Variants in ELOC observed in about 807,000 individuals in gnomAD.
ELOC encodes the protein elongin-C.
For missense variants in ELOC, 38 were observed against 139.0 expected, an observed-to-expected ratio of 0.27 and a Z score of 3.65; for synonymous variants, 40 against 51.3, an observed-to-expected ratio of 0.78 and a Z score of 0.94.
intron 1 of ELOC, among the ~76,000 whole-genome samples, chr8:73,961,195 T>C (rs1407078567): frequency 6.6e-6 from 1 of 152,192 alleles, no homozygotes; most frequent in Non-Finnish European, 1.5e-5. Context: ...CAGCATTTAT[T>C]CAGGGGATCT....
chr8:73,962,372 C>T (rs1011554957), intron 1 of ELOC, among the ~76,000 whole-genome samples: 1 of 152,200 alleles, frequency 6.6e-6, no homozygotes, highest in Admixed American at 6.5e-5. Context: ...TTATTGCCTA[C>T]TACCACAGTA....
At chr8:73,952,071 G>C (rs1813808153) in intron 3 of ELOC, among the ~76,000 whole-genome samples, 1 of 152,118 alleles carries the variant, frequency 6.6e-6, no homozygotes, top group African/African-American at 2.4e-5. Context: ...GAAAACACAA[G>C]GGAAAACACA....
At chr8:73,959,880 T>C (rs1814473120) in intron 1 of ELOC, 62 bp from the exon 2 acceptor site, 12 of 842,916 alleles carry the variant, frequency 1.4e-5, no homozygotes, top group Non-Finnish European at 1.9e-5. Flanking sequence ...TCATTCACTG[T>C]TATTTAATGT....
chr8:73,957,783 T>A (rs1814295869), intron 2 of ELOC, among the ~76,000 whole-genome samples: 1 of 150,886 alleles, frequency 6.6e-6, no homozygotes, highest in Non-Finnish European at 1.5e-5. Context: ...CAACTATTTG[T>A]TTATTTATTT....
intron 1 of ELOC, among the ~76,000 whole-genome samples, chr8:73,962,581 A>C (rs866183993): frequency 2.6e-5 from 4 of 152,094 alleles, no homozygotes; most frequent in South Asian, 2.1e-4. Flanking sequence ...AAAACAAAAA[A>C]AAAAACAAAA....
chr8:73,953,444 A>G (rs577894897), intron 3 of ELOC, among the ~76,000 whole-genome samples: 1 of 152,312 alleles, frequency 6.6e-6, no homozygotes, highest in Non-Finnish European at 1.5e-5. Flanking sequence ...TGGGAGGCTG[A>G]GGCGGGCGGG....
At position 73,946,519 on chromosome 8, in the gene ELOC, T is replaced by G; in HGVS notation, c.*111A>C. 1 of 819,084 alleles carries G rather than the reference T, an allele frequency of 1.2e-6. No homozygotes were observed. The highest frequency in any genetic ancestry group is 1.8e-6 in the Non-Finnish European group (1 of 550,360). 50.7% of individuals were successfully genotyped at this position (819,084 alleles called of 1,614,324 possible). On this transcript the variant is annotated 3_prime_UTR_variant, in exon 4 of 4. Transcript: ENST00000520242. ...AAGATAATCTGCTTTGCAATGAACTTTATATAGTTCAACTGCATACAGGCA... is the reference window on the plus strand; with the variant it reads ...AAGATAATCTGCTTTGCAATGAACTGTATATAGTTCAACTGCATACAGGCA...
chr8:73,947,626 T>A (rs1178429034), intron 3 of ELOC, among the ~76,000 whole-genome samples: 3 of 151,936 alleles, frequency 2.0e-5, no homozygotes, highest in Admixed American at 6.6e-5. Flanking sequence ...CAGGCTGGAG[T>A]GCAGTGGCAT....
chr8:73,948,835 A>G (rs566472096), intron 3 of ELOC, among the ~76,000 whole-genome samples: 78 of 150,380 alleles, frequency 5.2e-4, no homozygotes, highest in African/African-American at 1.8e-3. Context: ...CCTGTCACTC[A>G]CAAGCAAGCA....
intron 2 of ELOC, among the ~76,000 whole-genome samples, chr8:73,957,913 G>A (rs1814307820): frequency 6.6e-6 from 1 of 151,844 alleles, no homozygotes; most frequent in Non-Finnish European, 1.5e-5. Flanking sequence ...CGAGCAGCTG[G>A]GATTACAGGC....
At chr8:73,962,496 G>A (rs181965062) in intron 1 of ELOC, among the ~76,000 whole-genome samples, 135 of 151,546 alleles carry the variant, frequency 8.9e-4, no homozygotes, top group Middle Eastern at 6.8e-3. Context: ...ATGATACTAC[G>A]CAATTTAAAA....
At chr8:73,955,714 G>T in intron 3 of ELOC, 197 bp downstream of exon 3, 1 of 623,298 alleles carries the variant, frequency 1.6e-6, no homozygotes, top group Non-Finnish European at 2.8e-6. Flanking sequence ...GCAGTGAGCT[G>T]AGACCGCACC....
chr8:73,953,660 C>CA (rs1375581566), intron 3 of ELOC, among the ~76,000 whole-genome samples: 2,210 of 135,950 alleles, frequency 0.016, 48 homozygotes, highest in African/African-American at 0.051. Flanking sequence ...AACTCTGTCT[C>CA]AAAAAAAAAA....
intron 2 of ELOC, among the ~76,000 whole-genome samples, chr8:73,959,288 C>T (rs940465794): frequency 1.3e-5 from 2 of 152,138 alleles, no homozygotes; most frequent in African/African-American, 4.8e-5. Flanking sequence ...TTATTTCTGC[C>T]TCGAACTCCT....
chr8:73,970,880 C>CA (rs1815327728), intron 1 of ELOC, among the ~76,000 whole-genome samples: 3 of 136,518 alleles, frequency 2.2e-5, no homozygotes, highest in Admixed American at 1.5e-4. Flanking sequence ...AAAAAAAAAA[C>CA]AAAATTAGCC....
chr8:73,951,980 C>T (rs1165450927), intron 3 of ELOC, among the ~76,000 whole-genome samples: 4 of 152,164 alleles, frequency 2.6e-5, no homozygotes, highest in African/African-American at 7.2e-5. Context: ...TGAAGCTGAT[C>T]TCTTACTTCA....
intron 1 of ELOC, among the ~76,000 whole-genome samples, chr8:73,970,103 G>T (rs920952159): frequency 6.6e-6 from 1 of 152,158 alleles, no homozygotes; most frequent in Non-Finnish European, 1.5e-5. Flanking sequence ...TTAGCTAGGT[G>T]TCGTGGTGGG....
intron 1 of ELOC, chr8:73,964,634 A>C: frequency 6.6e-6 from 1 of 152,142 alleles, no homozygotes; most frequent in Admixed American, 6.5e-5. Context: ...CTCTGTCTCA[A>C]AAAACAAAAC....
intron 1 of ELOC, among the ~76,000 whole-genome samples, chr8:73,961,434 C>T (rs17317020): frequency 0.2 from 31,074 of 152,028 alleles, 3,969 homozygotes; most frequent in Non-Finnish European, 0.28. Flanking sequence ...TTTCAGGTAG[C>T]GACAGAGCAG....
Sources: allele counts gnomAD v4.1 joint callset (sites outside exome capture counted in the v4.1 genomes callset), GRCh38; gene constraint gnomAD v4.1.1; transcripts MANE v1.5; gene names NCBI Gene and HGNC (gene_info 2026-07-23, HGNC 2026-07-21).